The following EFCAB6 variants were observed in gnomAD, a reference collection of about 807,000 sequenced individuals.
EFCAB6 encodes the protein EF-hand calcium binding domain 6.
A neutral mutation model predicts 169.8 loss-of-function variants in EFCAB6; 156 were observed. The ratio of observed to expected loss-of-function variants is 0.92; its 90% confidence interval spans 0.81 to 1.05. The LOEUF (loss-of-function observed/expected upper bound fraction) is 1.05, where lower values mean the gene tolerates loss of function less well. Among genes scored for constraint, EFCAB6 ranks in the 50% least tolerant of loss-of-function variants. The pLI, the probability that EFCAB6 is intolerant of heterozygous loss-of-function variation, is 0.00. For synonymous variants in EFCAB6, 698 were observed against 676.4 expected (o/e 1.03, Z -0.50); for missense variants, 1,800 against 1,829.1 (o/e 0.98, Z 0.29).
rs574797036 is a variant in EFCAB6 at position 43,646,092 on chromosome 22, C to T, written c.1984-10876G>A. ...ACATGGCAGATAAAAGCAGACAAGTCGTGCCTACTTCAACTTCAGAGGAGA... is the reference window on the plus strand; with the variant it reads ...ACATGGCAGATAAAAGCAGACAAGTTGTGCCTACTTCAACTTCAGAGGAGA... On this transcript the variant is annotated intron_variant, in intron 17 of 31. Coordinates refer to ENST00000262726, the MANE Select transcript of EFCAB6 (RefSeq NM_022785.4). 1.1e-4 allele frequency among the ~76,000 whole-genome samples: 17 copies of T among 152,262 alleles called. No homozygotes were observed. In the East Asian group the frequency reaches 1.9e-3, roughly 17 times the overall value.
At chr22:43,712,740 G>C (rs189156243) in intron 9 of EFCAB6, among the ~76,000 whole-genome samples, 2 of 152,196 alleles carry the variant, frequency 1.3e-5, no homozygotes, top group Non-Finnish European at 2.9e-5. Context: ...GCAGTTACTG[G>C]ATTGGTGAAA....
chr22:43,681,778 T>C (rs2147094932), intron 12 of EFCAB6, among the ~76,000 whole-genome samples: 1 of 152,334 alleles, frequency 6.6e-6, no homozygotes, highest in South Asian at 2.1e-4. Flanking sequence ...GGACTTTCTA[T>C]TAACTAAATC....
rs538965901 is a variant in EFCAB6 at position 43,731,417 on chromosome 22, G to A, written c.757+282C>T. On this transcript the variant is annotated intron_variant, in intron 8 of 31. Coordinates refer to ENST00000262726, the MANE Select transcript of EFCAB6 (RefSeq NM_022785.4). ...AGTATTTTGGAATATTTTCCAATCC[G>A]CTACAGATATTCCACACACATCTTC... 4.6e-5 allele frequency among the ~76,000 whole-genome samples: 7 copies of A among 152,274 alleles called. No individual in the cohort carries two copies. In the South Asian group the frequency reaches 1.0e-3, roughly 23 times the overall value.
chr22:43,591,888 G>A (rs2051582575), intron 23 of EFCAB6, among the ~76,000 whole-genome samples: 1 of 152,152 alleles, frequency 6.6e-6, no homozygotes. Flanking sequence ...GATCTATGGT[G>A]GACTGGCTGT....
chr22:43,612,644 C>G (rs1165334875), intron 21 of EFCAB6, among the ~76,000 whole-genome samples: 1 of 152,234 alleles, frequency 6.6e-6, no homozygotes, highest in East Asian at 1.9e-4. Context: ...GTAATTCCAG[C>G]ACTTTGGGAG....
Position 43,773,071 on chromosome 22 carries a change from A to C in EFCAB6, c.172T>G (p.Leu58Val). The change falls in exon 4 of 32, where the codon TTA (leucine) becomes GTA (valine). Residue 58 changes from leucine (L) to valine (V), a missense_variant. By Grantham distance (32) the Leu-to-Val change is conservative (BLOSUM62 1). Coordinates refer to ENST00000262726, the MANE Select transcript of EFCAB6 (RefSeq NM_022785.4). The part of the protein sequence containing the change: ...TAVANPTLSS[L>V]DVKRILFQKI... ...TGAAATAAAATCCGTTTAACATCTA[A>C]GGAGGACAGTGTTGGATTTGCAACA... is the stretch of plus-strand genomic sequence containing the variant. 6.2e-7 allele frequency: 1 copy of C among 1,614,230 alleles called. No individual in the cohort carries two copies. The highest frequency in any genetic ancestry group is 8.5e-7 in the Non-Finnish European group (1 of 1,180,036).
intron 11 of EFCAB6, among the ~76,000 whole-genome samples, chr22:43,685,550 A>G (rs5764212): frequency 0.46 from 70,276 of 152,020 alleles, 16,663 homozygotes; most frequent in Middle Eastern, 0.52. Context: ...AAACTCGCTC[A>G]GTATATGAAG....
intron 2 of EFCAB6, among the ~76,000 whole-genome samples, chr22:43,806,058 C>T (rs757780831): frequency 2.8e-4 from 42 of 151,532 alleles, no homozygotes; most frequent in Non-Finnish European, 4.9e-4. Flanking sequence ...CCCAGCTACT[C>T]GGGAGGCTAA....
chr22:43,727,387 C>T (rs1235811042), intron 8 of EFCAB6, among the ~76,000 whole-genome samples: 4 of 152,072 alleles, frequency 2.6e-5, no homozygotes, highest in Non-Finnish European at 4.4e-5. Context: ...ATGATTGCAC[C>T]ACTGCATTCC....
intron 6 of EFCAB6, among the ~76,000 whole-genome samples, chr22:43,746,046 G>A (rs1344959205): frequency 6.6e-6 from 1 of 152,178 alleles, no homozygotes; most frequent in Non-Finnish European, 1.5e-5. Context: ...CCAGCTGGTA[G>A]AGATGCGCCA....
chr22:43,564,297 A>T (rs544261384), intron 26 of EFCAB6, among the ~76,000 whole-genome samples: 41 of 150,602 alleles, frequency 2.7e-4, no homozygotes, highest in African/African-American at 8.3e-4. Flanking sequence ...AAAATACAAA[A>T]ATCAGCAGGG....
chr22:43,589,886 C>G (rs976070285), intron 24 of EFCAB6, among the ~76,000 whole-genome samples, 188 bp downstream of exon 24: 5 of 152,168 alleles, frequency 3.3e-5, no homozygotes, highest in Non-Finnish European at 7.4e-5. Context: ...ATGCATTTGT[C>G]AGGGGGCTTT....
intron 10 of EFCAB6, 25 bp downstream of exon 10, chr22:43,711,450 G>A: frequency 5.2e-6 from 8 of 1,538,266 alleles, no homozygotes; most frequent in Non-Finnish European, 7.0e-6. Flanking sequence ...GGAAAAAAAT[G>A]TCAAGGAAAC....
intron 23 of EFCAB6, among the ~76,000 whole-genome samples, chr22:43,594,041 C>T (rs190869923): frequency 2.6e-5 from 4 of 151,994 alleles, no homozygotes; most frequent in Admixed American, 1.3e-4. Flanking sequence ...TTTGGGAGGC[C>T]GAGGTGGGCG....
intron 15 of EFCAB6, among the ~76,000 whole-genome samples, chr22:43,671,144 G>A (rs1285090727): frequency 1.3e-5 from 2 of 152,192 alleles, no homozygotes; most frequent in East Asian, 3.9e-4. Flanking sequence ...GTTCCTAATG[G>A]CAGTGGGACT....
In EFCAB6 at chr22:43,668,954, A is replaced by G; in HGVS notation, c.1732T>C (p.Ser578Pro). The G allele has an allele frequency of 6.2e-7, 1 of 1,613,586 alleles. No individual in the cohort carries two copies. Among genetic ancestry groups the G allele is most frequent in the Non-Finnish European group, 8.5e-7 (1 of 1,179,780 alleles). Residue 578 changes from serine (S) to proline (P), a missense_variant, in exon 16 of 32, where the codon TCT becomes CCT. By Grantham distance (74) the Ser-to-Pro change is moderately conservative. Transcript: ENST00000262726. ...TGATCCTTTGGAACAAGAACTGGAG[A>G]GACAGTGGGTGGGCCATCAATTCCT... ...CIGIDGPPTV[S>P]PVLVPKDQLL...
intron 6 of EFCAB6, among the ~76,000 whole-genome samples, chr22:43,745,321 G>A (rs2147781237): frequency 6.6e-6 from 1 of 152,322 alleles, no homozygotes; most frequent in Non-Finnish European, 1.5e-5. Flanking sequence ...CAATCCCTCT[G>A]GAGGCCTGGC....
chr22:43,633,889 C>A (rs948658619), intron 18 of EFCAB6, among the ~76,000 whole-genome samples: 3 of 152,228 alleles, frequency 2.0e-5, no homozygotes, highest in Admixed American at 2.0e-4. Context: ...ACCGCCTGAC[C>A]CCTCTGCCAC....
intron 15 of EFCAB6, among the ~76,000 whole-genome samples, chr22:43,671,319 A>G (rs943084727): frequency 9.9e-5 from 15 of 152,172 alleles, no homozygotes; most frequent in South Asian, 2.1e-4. Flanking sequence ...CTCCTGCCTC[A>G]GCCTCCCAAG....
Sources: gnomAD v4.1 joint callset for allele counts (sites outside exome capture counted in the v4.1 genomes callset) on GRCh38, gnomAD v4.1.1 for gene constraint, MANE v1.5 for transcripts, NCBI Gene and HGNC (gene_info 2026-07-23, HGNC 2026-07-21) for gene names.